VGLL1: variants seen among roughly 807,000 people sequenced by gnomAD.
VGLL1 encodes vestigial like family member 1.
In VGLL1, 4 loss-of-function variants were observed where a neutral mutation model predicts 12.0. That is an observed-to-expected ratio of 0.33 (90% CI 0.16 to 0.76). VGLL1 has a LOEUF of 0.76. Among genes scored for constraint, VGLL1 ranks in the 30% least tolerant of loss-of-function variants. The pLI is 0.60. For missense variants in VGLL1, 204 were observed against 208.7 expected (o/e 0.98, Z 0.14); for synonymous variants, 87 against 81.2 (o/e 1.07, Z -0.39).
intron 2 of VGLL1, among the ~76,000 whole-genome samples, chrX:136,542,486 G>A (rs1228069524): frequency 8.9e-6 from 1 of 112,488 alleles, no homozygotes; most frequent in African/African-American, 3.2e-5. Context: ...TTTTGGGGGT[G>A]TTGTGACTGA....
rs2075838868 is a variant in VGLL1 at position 136,536,096 on chromosome X, C to T, written c.76C>T (p.Arg26Trp). ...QKPIKTEWNS[R>W]CVLFTYFQGD... ...GCCTATAAAGACGGAATGGAATTCCCGGTGTGTCCTTTTCACCTACTTCCA... is the reference window on the plus strand; with the variant it reads ...GCCTATAAAGACGGAATGGAATTCCTGGTGTGTCCTTTTCACCTACTTCCA... Residue 26 changes from arginine to tryptophan, a missense_variant, in exon 2 of 5, where the codon CGG becomes TGG. Arg to Trp is a moderately radical substitution (Grantham distance 101, BLOSUM62 -3). Transcript: ENST00000370634. 8.3e-7 allele frequency: 1 copy of T among 1,209,529 alleles called. No homozygotes were observed. The highest frequency in any genetic ancestry group is 1.8e-5 in the African/African-American group (1 of 56,854).
intron 4 of VGLL1, among the ~76,000 whole-genome samples, chrX:136,555,730 C>A (rs983461531): frequency 5.4e-5 from 6 of 111,939 alleles, no homozygotes; most frequent in Non-Finnish European, 9.4e-5. Flanking sequence ...AACTGTGGAG[C>A]AAGACAGCAA....
chrX:136,538,770 C>A (rs932674744), intron 2 of VGLL1, among the ~76,000 whole-genome samples: 1 of 112,105 alleles, frequency 8.9e-6, no homozygotes, highest in Non-Finnish European at 1.9e-5. Flanking sequence ...GAATTTACTT[C>A]TCTCTTAGAA....
At position 136,551,083 on chromosome X, in the gene VGLL1, TTTTC is replaced by T. The variant is rs199573625; in HGVS notation, c.688+274_688+277del. ...GAAACTCTCCTTAGTTTCTTTTTTC[TTTTC>T]TTTCTTTCTTTTTTTTTTAACCTGA... On this transcript the variant is annotated intron_variant, in intron 4 of 4. Transcript: ENST00000370634. 2.8e-3 allele frequency: 849 copies of T among 299,147 alleles called. 17 individuals carry two copies. In the East Asian group the frequency reaches 0.05, roughly 18 times the overall value. 24.7% of individuals were successfully genotyped at this position (299,147 alleles called of 1,213,427 possible). A position where few individuals can be genotyped will look rare whatever the true frequency, so the allele number is the denominator to read the frequency against.
At chrX:136,537,010 T>C (rs2075841649) in intron 2 of VGLL1, among the ~76,000 whole-genome samples, 1 of 112,519 alleles carries the variant, frequency 8.9e-6, no homozygotes, top group Admixed American at 9.4e-5. Flanking sequence ...AATATTTACA[T>C]TTTATATAAT....
At chrX:136,540,157 TC>T (rs777946970) in intron 2 of VGLL1, among the ~76,000 whole-genome samples, 1 of 111,773 alleles carries the variant, frequency 8.9e-6, no homozygotes, top group Non-Finnish European at 1.9e-5. Context: ...AGGAGGGCAG[TC>T]AGAATGGTAG....
At chrX:136,542,116 G>A (rs1048034310) in intron 2 of VGLL1, among the ~76,000 whole-genome samples, 4 of 109,517 alleles carry the variant, frequency 3.7e-5, no homozygotes, top group African/African-American at 6.7e-5. Context: ...GGGTATATAC[G>A]TGGGCCTTTA....
At chrX:136,553,557 C>T (rs1276149546) in intron 4 of VGLL1, among the ~76,000 whole-genome samples, 2 of 111,694 alleles carry the variant, frequency 1.8e-5, no homozygotes, top group Admixed American at 9.4e-5. Flanking sequence ...GGTGATCAGC[C>T]CGCCTTGGCC....
Position 136,556,623 on chromosome X carries a change from C to A in VGLL1, c.*84C>A. On this transcript the variant is annotated 3_prime_UTR_variant, in exon 5 of 5. Transcript: ENST00000370634. The stretch of plus-strand genomic sequence containing the variant: ...ATATTGTTCCAGATAAAAATGAAAG[C>A]TGCTCACACCCACTTGCCTCCCCAA... 1.1e-6 allele frequency: 1 copy of A among 883,496 alleles called. No homozygotes were observed. The highest frequency in any genetic ancestry group is 1.6e-6 in the Non-Finnish European group (1 of 613,106). 72.8% of individuals were successfully genotyped at this position (883,496 alleles called of 1,213,427 possible). A position where few individuals can be genotyped will look rare whatever the true frequency, so the allele number is the denominator to read the frequency against.
chrX:136,538,499 C>T (rs1249926511), intron 2 of VGLL1, among the ~76,000 whole-genome samples: 1 of 112,417 alleles, frequency 8.9e-6, no homozygotes. Context: ...GCTCCCTTTA[C>T]CTTTTTGGAA....
chrX:136,555,668 G>T (rs1211907979), intron 4 of VGLL1, among the ~76,000 whole-genome samples: 13 of 112,066 alleles, frequency 1.2e-4, no homozygotes, highest in African/African-American at 4.2e-4. Context: ...TTTCAGGCTT[G>T]CTTGTGAGGA....
At chrX:136,555,020 G>T (rs2075897437) in intron 4 of VGLL1, among the ~76,000 whole-genome samples, 1 of 112,221 alleles carries the variant, frequency 8.9e-6, no homozygotes, top group African/African-American at 3.2e-5. Flanking sequence ...GAGAGCTGCA[G>T]AAAGAGGCCT....
intron 1 of VGLL1, among the ~76,000 whole-genome samples, chrX:136,534,100 TTTTA>T (rs2148528947): frequency 8.9e-6 from 1 of 112,723 alleles, no homozygotes; most frequent in African/African-American, 3.2e-5. Context: ...ACACCTTGGT[TTTTA>T]TTTCTGTCCC....
intron 2 of VGLL1, among the ~76,000 whole-genome samples, chrX:136,546,056 C>T (rs1028247286): frequency 1.8e-5 from 2 of 111,294 alleles, no homozygotes; most frequent in Non-Finnish European, 1.9e-5. Flanking sequence ...CCTAGCCTGC[C>T]CCATGTATGC....
At chrX:136,533,354 A>T (rs2075831313) in intron 1 of VGLL1, among the ~76,000 whole-genome samples, 1 of 111,214 alleles carries the variant, frequency 9.0e-6, no homozygotes, top group African/African-American at 3.3e-5. Context: ...GAAGAGGCTG[A>T]AACACCACCT....
At position 136,536,245 on chromosome X, in the gene VGLL1, G is replaced by A. The variant is rs749396300; in HGVS notation, c.214+11G>A. 2 of 1,201,974 alleles carry A rather than the reference G, an allele frequency of 1.7e-6. No individual in the cohort carries two copies. Among genetic ancestry groups the A allele is most frequent in the Non-Finnish European group, 2.3e-6 (2 of 888,098 alleles). On this transcript the variant is annotated intron_variant, in intron 2 of 4. Transcript: ENST00000370634. Reference sequence around the variant, plus strand: ...TGATGCTGAAAAACGGTGAGCATGTGGGGAGGGAGGGAGCTGGGATTCCCT... The same window carrying A: ...TGATGCTGAAAAACGGTGAGCATGTAGGGAGGGAGGGAGCTGGGATTCCCT...
intron 4 of VGLL1, among the ~76,000 whole-genome samples, chrX:136,551,232 CT>C (rs1263472883): frequency 2.9e-5 from 3 of 103,831 alleles, no homozygotes; most frequent in Non-Finnish European, 4.0e-5. Flanking sequence ...TTATTTATTT[CT>C]TTTTTTTTAA....
chrX:136,539,794 T>G, intron 2 of VGLL1, among the ~76,000 whole-genome samples: 1 of 111,878 alleles, frequency 8.9e-6, no homozygotes, highest in Middle Eastern at 4.6e-3. Context: ...CTACTTGATC[T>G]TCACTTAACA....
intron 2 of VGLL1, among the ~76,000 whole-genome samples, chrX:136,537,350 G>A (rs1409080926): frequency 9.1e-6 from 1 of 110,006 alleles, no homozygotes; most frequent in Non-Finnish European, 1.9e-5. Context: ...TCCAGCCTGA[G>A]TGGCAAAGCA....
Sources: gnomAD v4.1 joint callset for allele counts (sites outside exome capture counted in the v4.1 genomes callset) on GRCh38, gnomAD v4.1.1 for gene constraint, MANE v1.5 for transcripts, NCBI Gene and HGNC (gene_info 2026-07-23, HGNC 2026-07-21) for gene names.